Variants in RAD51B observed in about 807,000 individuals in gnomAD.
RAD51B encodes the protein RAD51 paralog B.
Under a neutral mutation model 42.2 loss-of-function variants are expected in RAD51B, and 38 were observed. The observed-to-expected ratio is 0.90, with a 90% CI of 0.70 to 1.18. RAD51B has a LOEUF of 1.18. RAD51B is among the 50% of genes most tolerant of loss of function. The pLI is 0.00. For synonymous variants in RAD51B, 154 were observed against 145.2 expected (o/e 1.06, Z -0.43); for missense variants, 373 against 400.7 (o/e 0.93, Z 0.59).
chr14:67,825,628 T>A, intron 3 of RAD51B, 51 bp downstream of exon 3: 1 of 1,381,348 alleles, frequency 7.2e-7, no homozygotes, highest in East Asian at 2.4e-5. Context: ...CTCATCTCAT[T>A]AAACATGTTT....
intron 8 of RAD51B, among the ~76,000 whole-genome samples, chr14:68,368,581 G>A (rs17105482): frequency 6.6e-6 from 1 of 152,156 alleles, no homozygotes; most frequent in Non-Finnish European, 1.5e-5. Context: ...TATAGTGGCC[G>A]CTTGGACTGC....
intron 7 of RAD51B, among the ~76,000 whole-genome samples, chr14:68,132,311 C>A: frequency 6.6e-6 from 1 of 151,916 alleles, no homozygotes; most frequent in East Asian, 1.9e-4. Flanking sequence ...GCTGTACAGA[C>A]AAAAAGTAAT....
At chr14:68,288,025 C>T (rs939243292) in intron 7 of RAD51B, among the ~76,000 whole-genome samples, 1 of 152,190 alleles carries the variant, frequency 6.6e-6, no homozygotes, top group African/African-American at 2.4e-5. Flanking sequence ...ATTGCTCTTA[C>T]ACAAATTTAG....
At chr14:68,607,200 A>C (rs1342025449) in intron 10 of RAD51B, among the ~76,000 whole-genome samples, 1 of 152,152 alleles carries the variant, frequency 6.6e-6, no homozygotes, top group African/African-American at 2.4e-5. Context: ...CAGAGGCTTA[A>C]GGGAGCTCCA....
downstream of RAD51B, among the ~76,000 whole-genome samples, chr14:68,612,161 G>A (rs1264954051): frequency 6.6e-6 from 1 of 152,218 alleles, no homozygotes. Flanking sequence ...GGGTAAGCTG[G>A]AACAGGCTGA....
chr14:68,427,306 G>A (rs1476906225), intron 9 of RAD51B, among the ~76,000 whole-genome samples: 3 of 152,214 alleles, frequency 2.0e-5, no homozygotes, highest in Admixed American at 6.5e-5. Flanking sequence ...CTCCAGAACT[G>A]CAGAGCAACC....
chr14:68,252,133 G>A (rs2080646965), intron 7 of RAD51B, among the ~76,000 whole-genome samples: 1 of 152,324 alleles, frequency 6.6e-6, no homozygotes, highest in Middle Eastern at 3.4e-3. Flanking sequence ...GCCTGCAGGA[G>A]TTGAGTATAC....
intron 7 of RAD51B, among the ~76,000 whole-genome samples, chr14:68,065,555 G>C (rs1378650159): frequency 2.0e-5 from 3 of 152,164 alleles, no homozygotes. Context: ...CTTGGATGCT[G>C]CTCGCCTAGG....
intron 10 of RAD51B, among the ~76,000 whole-genome samples, chr14:68,514,552 C>T (rs1001449581): frequency 2.6e-5 from 4 of 152,186 alleles, no homozygotes; most frequent in African/African-American, 9.7e-5. Flanking sequence ...CCTGTGGGCG[C>T]GGCTCTCAGA....
At chr14:67,838,474 G>T (rs955068773) in intron 4 of RAD51B, among the ~76,000 whole-genome samples, 2 of 151,682 alleles carry the variant, frequency 1.3e-5, no homozygotes, top group African/African-American at 4.8e-5. Flanking sequence ...ACATGGTCTA[G>T]CTGTGTCACC....
intron 7 of RAD51B, among the ~76,000 whole-genome samples, chr14:67,893,491 CA>C (rs2043287960): frequency 1.3e-5 from 1 of 76,754 alleles, no homozygotes; most frequent in African/African-American, 7.6e-5. Context: ...CACACACACA[CA>C]CACACACACA....
intron 8 of RAD51B, chr14:68,339,230 G>A (rs2139829835): frequency 3.5e-6 from 4 of 1,157,290 alleles, no homozygotes; most frequent in Admixed American, 1.9e-5. Context: ...GCCTGTACTT[G>A]TGGGCCAGCT....
intron 7 of RAD51B, among the ~76,000 whole-genome samples, chr14:68,216,222 G>T (rs112257714): frequency 0.019 from 2,936 of 152,304 alleles, 100 homozygotes; most frequent in African/African-American, 0.067. Flanking sequence ...GGGACTTTAA[G>T]TGAGTTACTG....
At chr14:67,982,602 A>G (rs970229938) in intron 7 of RAD51B, among the ~76,000 whole-genome samples, 3 of 152,152 alleles carry the variant, frequency 2.0e-5, no homozygotes, top group African/African-American at 7.2e-5. Context: ...ATCAGCTACC[A>G]TAGTCATTTT....
intron 7 of RAD51B, among the ~76,000 whole-genome samples, chr14:67,934,544 CAG>C (rs1411942427): frequency 1.3e-5 from 2 of 152,122 alleles, no homozygotes; most frequent in African/African-American, 4.8e-5. Flanking sequence ...TTTCTACCCT[CAG>C]AGAGTTGATA....
At chr14:68,186,537 A>G (rs1438913291) in intron 7 of RAD51B, among the ~76,000 whole-genome samples, 2 of 152,202 alleles carry the variant, frequency 1.3e-5, no homozygotes, top group African/African-American at 2.4e-5. Context: ...AAATAACACT[A>G]TTAAAAGATG....
intron 9 of RAD51B, among the ~76,000 whole-genome samples, chr14:68,463,130 G>A (rs1221924138): frequency 6.6e-6 from 1 of 152,176 alleles, no homozygotes; most frequent in Non-Finnish European, 1.5e-5. Context: ...TGGGATGGAT[G>A]AACATCTGAA....
At chr14:68,215,405 G>A (rs1020524516) in intron 7 of RAD51B, among the ~76,000 whole-genome samples, 31 of 152,216 alleles carry the variant, frequency 2.0e-4, no homozygotes, top group African/African-American at 7.5e-4. Context: ...GAAATAAGGA[G>A]AATGGAACTC....
In RAD51B at chr14:68,412,750, A is replaced by G. The variant is rs537318763; in HGVS notation, c.957+1223A>G. 5.3e-5 allele frequency among the ~76,000 whole-genome samples: 8 copies of G among 152,310 alleles called. No individual in the cohort carries two copies. The South Asian group carries it at 1.5e-3, about 28-fold the overall frequency. Reference sequence around the variant, plus strand: ...GCACCTTTTCCCTGAAGAGTCTGGTATCCTAGGTTCTGAAGCTGTTATTTC... The same window carrying G: ...GCACCTTTTCCCTGAAGAGTCTGGTGTCCTAGGTTCTGAAGCTGTTATTTC... On this transcript the variant is annotated intron_variant, in intron 9 of 10. Transcript: ENST00000471583.
Sources: gnomAD v4.1 joint callset for allele counts (sites outside exome capture counted in the v4.1 genomes callset) on GRCh38, gnomAD v4.1.1 for gene constraint, MANE v1.5 for transcripts, NCBI Gene and HGNC (gene_info 2026-07-23, HGNC 2026-07-21) for gene names.